Variants in ONECUT2 observed in about 807,000 individuals in gnomAD.
The protein encoded by ONECUT2 is one cut homeobox 2.
In ONECUT2, 10 loss-of-function variants were observed where a neutral mutation model predicts 27.9. The ratio of observed to expected loss-of-function variants is 0.36; its 90% CI spans 0.22 to 0.61. ONECUT2 has a LOEUF of 0.61. Among genes scored for constraint, ONECUT2 ranks in the 20% least tolerant of loss-of-function variants. The pLI, the probability that ONECUT2 is intolerant of heterozygous loss-of-function variation, is 0.73. For synonymous variants in ONECUT2, 334 were observed against 315.1 expected (o/e 1.06, Z -0.64); for missense variants, 686 against 721.0 (o/e 0.95, Z 0.56).
rs770320441 is a variant in ONECUT2 at position 57,436,016 on chromosome 18, G to T, written c.300G>T (p.Ala100=). The T allele has an allele frequency of 8.5e-6, 13 of 1,528,028 alleles. No homozygotes were observed. The highest frequency in any genetic ancestry group is 1.4e-5 in the African/African-American group (1 of 72,686). The allele number at this position is 1,528,028 out of a possible 1,614,324, so 94.7% of individuals were successfully genotyped here. Residue 100 remains alanine, a synonymous_variant, in exon 1 of 2, where the codon GCG becomes GCT. Coordinates refer to ENST00000491143, the MANE Select transcript of ONECUT2 (RefSeq NM_004852.3). This position sits in a 1 kb window ranked among gnomAD's most constrained non-coding sequence, Gnocchi z 5.9. The part of the protein sequence containing the change: ...ELGTAAAAAA[A]ASRSAMVTSM... ...GCACGGCGGCAGCGGCGGCAGCGGC[G>T]GCGTCGCGCTCGGCCATGGTCACCA...
At chr18:57,467,592 C>T (rs1049077074) in intron 1 of ONECUT2, among the ~76,000 whole-genome samples, 1 of 152,166 alleles carries the variant, frequency 6.6e-6, no homozygotes, top group African/African-American at 2.4e-5. Context: ...GCCTCGATCT[C>T]CTGACCTCGT....
At position 57,480,044 on chromosome 18, in the gene ONECUT2, A is replaced by T. The variant is rs2050407894; in HGVS notation, c.*3321A>T. ...AGAGTGTCTCAATCCTGAAGAGAAA[A>T]TATAAAGCAGGTTTTGGGGAGACTT... On this transcript the variant is annotated 3_prime_UTR_variant, in exon 2 of 2. Coordinates refer to ENST00000491143, the MANE Select transcript of ONECUT2 (RefSeq NM_004852.3). The T allele has an allele frequency of 6.6e-6, 1 of 152,198 alleles. No individual in the cohort carries two copies. The highest frequency in any genetic ancestry group is 1.5e-5 in the Non-Finnish European group (1 of 68,062). The allele number at this position is 152,198 out of a possible 1,614,324, so 9.4% of individuals were successfully genotyped here. A position where few individuals can be genotyped will look rare whatever the true frequency, so the allele number is the denominator to read the frequency against.
chr18:57,464,716 C>A, intron 1 of ONECUT2, among the ~76,000 whole-genome samples: 1 of 152,138 alleles, frequency 6.6e-6, no homozygotes, highest in East Asian at 1.9e-4. Flanking sequence ...TTCCTTCCTG[C>A]AGATTCATTA....
chr18:57,441,965 C>T (rs1262442037), intron 1 of ONECUT2, among the ~76,000 whole-genome samples: 1 of 152,184 alleles, frequency 6.6e-6, no homozygotes, highest in Non-Finnish European at 1.5e-5. Flanking sequence ...AACCCCTGCC[C>T]CACCCCTTCC....
chr18:57,474,144 T>C (rs1024499173), intron 1 of ONECUT2, among the ~76,000 whole-genome samples: 1 of 152,198 alleles, frequency 6.6e-6, no homozygotes. Context: ...AGGAAGAAAG[T>C]TTAGCCAAGC....
At position 57,462,801 on chromosome 18, in the gene ONECUT2, G is replaced by A. The variant is rs375756576; in HGVS notation, c.1229-13636G>A. On this transcript the variant is annotated intron_variant, in intron 1 of 1. Transcript: ENST00000491143. ...GGCTGGAGTGCAATGGCCCAATCTCGGCTCACTGGAACCTCTGCCTCCCAG... is the reference window on the plus strand; with the variant it reads ...GGCTGGAGTGCAATGGCCCAATCTCAGCTCACTGGAACCTCTGCCTCCCAG... Among the ~76,000 whole-genome samples, 10 of 134,830 alleles carry A rather than the reference G, an allele frequency of 7.4e-5. No homozygotes were observed. The East Asian group carries it at 8.7e-4, about 12-fold the overall frequency. The allele number at this position is 134,830 out of a possible 152,430, so 88.5% of individuals were successfully genotyped here. A position where few individuals can be genotyped will look rare whatever the true frequency, so the allele number is the denominator to read the frequency against.
In ONECUT2 at chr18:57,485,262, C is replaced by T. The variant is rs1388140492; in HGVS notation, c.*8539C>T. 6.6e-6 allele frequency: 1 copy of T among 152,150 alleles called. No homozygotes were observed. The highest frequency in any genetic ancestry group is 2.4e-5 in the African/African-American group (1 of 41,444). 9.4% of individuals were successfully genotyped at this position (152,150 alleles called of 1,614,324 possible). On this transcript the variant is annotated 3_prime_UTR_variant, in exon 2 of 2. Transcript: ENST00000491143. ...TGACATTTAAGCTCTTCAGCCTTTT[C>T]CTTTTTAGTTGTAGGTGTTTACATT... is the stretch of plus-strand genomic sequence containing the variant.
Position 57,435,742 on chromosome 18 carries a change from G to T in ONECUT2, c.26G>T (p.Arg9Leu), listed in dbSNP as rs1196973809. Residue 9 changes from arginine to leucine, a missense_variant, in exon 1 of 2, where the codon CGA becomes CTA. Physicochemically the swap from Arg to Leu is moderately radical, Grantham distance 102 (BLOSUM62 -2). This residue lies in a region of ONECUT2 where 511 missense variants were observed against 488.1 expected (regional missense o/e 1.05). Coordinates refer to ENST00000491143, the MANE Select transcript of ONECUT2 (RefSeq NM_004852.3). ...ATGAAGGCTGCCTACACCGCCTATCGATGCCTCACCAAAGACCTAGAAGGC... is the reference window on the plus strand; with the variant it reads ...ATGAAGGCTGCCTACACCGCCTATCTATGCCTCACCAAAGACCTAGAAGGC... MKAAYTAY[R>L]CLTKDLEGCA... The T allele has an allele frequency of 2.4e-6, 3 of 1,264,488 alleles. No homozygotes were observed. Among genetic ancestry groups the T allele is most frequent in the African/African-American group, 1.6e-5 (1 of 62,112 alleles). The allele number at this position is 1,264,488 out of a possible 1,614,324, so 78.3% of individuals were successfully genotyped here.
intron 1 of ONECUT2, among the ~76,000 whole-genome samples, chr18:57,466,169 G>A (rs2122138047): frequency 6.6e-6 from 1 of 152,250 alleles, no homozygotes; most frequent in African/African-American, 2.4e-5. Flanking sequence ...AAGGGAGTGG[G>A]GAGTACTCTG....
intron 1 of ONECUT2, among the ~76,000 whole-genome samples, chr18:57,445,097 G>A (rs1006350806): frequency 3.3e-5 from 5 of 152,142 alleles, no homozygotes; most frequent in African/African-American, 1.2e-4. Context: ...ATTTTCTACT[G>A]TAAAATTATT....
chr18:57,470,850 T>C (rs1315000360), intron 1 of ONECUT2, among the ~76,000 whole-genome samples: 1 of 151,896 alleles, frequency 6.6e-6, no homozygotes. Flanking sequence ...CCCTCCCCCA[T>C]CTCTCTCCTT....
chr18:57,438,930 G>C (rs4940719), intron 1 of ONECUT2, among the ~76,000 whole-genome samples: 17,539 of 152,066 alleles, frequency 0.12, 1,352 homozygotes, highest in African/African-American at 0.21. Flanking sequence ...GTCCCAGGCT[G>C]TCTCTGGTGG....
intron 1 of ONECUT2, among the ~76,000 whole-genome samples, chr18:57,470,565 T>C (rs2050347624): frequency 6.6e-6 from 1 of 152,156 alleles, no homozygotes; most frequent in Admixed American, 6.5e-5. Context: ...CTGACAACCC[T>C]GGACTGGACA....
chr18:57,476,311 G>T lies in ONECUT2; in HGVS notation c.1229-126G>T, dbSNP rs2122153461. On this transcript the variant is annotated intron_variant, in intron 1 of 1. Transcript: ENST00000491143. ...TTACAGGGAAGGCTGGTTATTGACA[G>T]CTGGGCAGTTTGCACAATAAAGTTT... 4.2e-6 allele frequency: 4 copies of T among 943,282 alleles called. 1 individual carries two copies. Among genetic ancestry groups the T allele is most frequent in the Non-Finnish European group, 6.2e-6 (4 of 641,898 alleles). The allele number at this position is 943,282 out of a possible 1,614,324, so 58.4% of individuals were successfully genotyped here.
In ONECUT2 at chr18:57,437,618, G is replaced by A. The variant is rs7232930; in HGVS notation, c.1228+674G>A. On this transcript the variant is annotated intron_variant, in intron 1 of 1. Transcript: ENST00000491143. The stretch of plus-strand genomic sequence containing the variant: ...GCAGGGACTTTCTGACCGGGCTTGA[G>A]GGGCTCGGGCCAGCTCCAATGTCAC... Among the ~76,000 whole-genome samples, 803 of 152,308 alleles carry A rather than the reference G, an allele frequency of 5.3e-3. 8 individuals carry two copies. The highest frequency in any genetic ancestry group is 0.019 in the African/African-American group (781 of 41,562).
chr18:57,460,043 T>C (rs1161257975), intron 1 of ONECUT2, among the ~76,000 whole-genome samples: 2 of 152,094 alleles, frequency 1.3e-5, no homozygotes, highest in Non-Finnish European at 2.9e-5. Context: ...CTACAAAAGC[T>C]TCCCAAGCAG....
chr18:57,465,373 A>C (rs2050315625), intron 1 of ONECUT2, among the ~76,000 whole-genome samples: 1 of 152,222 alleles, frequency 6.6e-6, no homozygotes, highest in Admixed American at 6.5e-5. Flanking sequence ...CATGTTGCCC[A>C]GGCTGGTCGC....
chr18:57,456,565 C>A (rs867030235), intron 1 of ONECUT2, among the ~76,000 whole-genome samples: 1 of 152,184 alleles, frequency 6.6e-6, no homozygotes. Context: ...ACGGAAAGTA[C>A]AATGGTGCTT....
chr18:57,469,236 G>A (rs1443200009), intron 1 of ONECUT2, among the ~76,000 whole-genome samples: 3 of 152,092 alleles, frequency 2.0e-5, no homozygotes, highest in Non-Finnish European at 4.4e-5. Flanking sequence ...GGGAAGCTGC[G>A]AGCTCTTCAG....
Sources: gnomAD v4.1 joint callset for allele counts (sites outside exome capture counted in the v4.1 genomes callset) on GRCh38, gnomAD v4.1.1 for gene constraint, gnomAD v4.1.1 regional missense constraint, Gnocchi (gnomAD v3.1) non-coding constraint, MANE v1.5 for transcripts, NCBI Gene and HGNC (gene_info 2026-07-23, HGNC 2026-07-21) for gene names.